SAMD14: variants seen among roughly 807,000 people sequenced by gnomAD.
SAMD14 encodes sterile alpha motif domain containing 14.
Under a neutral mutation model 46.2 loss-of-function variants are expected in SAMD14, and 27 were observed. The ratio of observed to expected loss-of-function variants is 0.58; its 90% CI spans 0.43 to 0.81. The LOEUF (loss-of-function observed/expected upper bound fraction) is 0.81, where lower values mean the gene tolerates loss of function less well. Ranked by LOEUF, SAMD14 falls within the 30% of genes least tolerant of loss-of-function variation. The pLI is 0.00. For synonymous variants in SAMD14, 241 were observed against 254.3 expected (o/e 0.95, Z 0.50); for missense variants, 559 against 582.2 (o/e 0.96, Z 0.41).
chr17:50,123,766 G>A (rs968965135), intron 2 of SAMD14, among the ~76,000 whole-genome samples: 9 of 152,152 alleles, frequency 5.9e-5, no homozygotes, highest in African/African-American at 1.9e-4. Context: ...CAGTGAGGAC[G>A]CAGCTACCTC....
At position 50,117,361 on chromosome 17, in the gene SAMD14, C is replaced by A. The variant is rs1048413300; in HGVS notation, c.499+46G>T. 18 of 1,268,282 alleles carry A rather than the reference C, an allele frequency of 1.4e-5. No homozygotes were observed. In the African/African-American group the frequency reaches 2.5e-4, roughly 18 times the overall value. The allele number at this position is 1,268,282 out of a possible 1,614,324, so 78.6% of individuals were successfully genotyped here. A position where few individuals can be genotyped will look rare whatever the true frequency, so the allele number is the denominator to read the frequency against. On this transcript the variant is annotated intron_variant, in intron 4 of 9. Transcript: ENST00000330175. Reference sequence around the variant, plus strand: ...CGCGCCGGGACCGGGAGGGCTGCTGCGCCCGGGAGCGACCAGCAGGAGGTG... The same window carrying A: ...CGCGCCGGGACCGGGAGGGCTGCTGAGCCCGGGAGCGACCAGCAGGAGGTG...
rs374368906 is a variant in SAMD14 at position 50,115,826 on chromosome 17, T to G, written c.662+4A>C. On this transcript the variant is annotated splice_donor_region_variant and intron_variant, in intron 6 of 9. Coordinates refer to ENST00000330175, the MANE Select transcript of SAMD14 (RefSeq NM_001257359.2). This position sits in a 1 kb window ranked among gnomAD's most constrained non-coding sequence, Gnocchi z 5.3. Reference sequence around the variant, plus strand: ...GTGGGTGGGCCGCCATGGGCACCTCTCACCTGCTGCCCATGGACAGTCGGT... The same window carrying G: ...GTGGGTGGGCCGCCATGGGCACCTCGCACCTGCTGCCCATGGACAGTCGGT... The G allele has an allele frequency of 8.7e-6, 14 of 1,612,696 alleles. No homozygotes were observed. In the African/African-American group the frequency reaches 1.9e-4, roughly 22 times the overall value.
At chr17:50,122,683 G>A (rs1329893802) in intron 2 of SAMD14, among the ~76,000 whole-genome samples, 4 of 152,104 alleles carry the variant, frequency 2.6e-5, no homozygotes, top group Non-Finnish European at 5.9e-5. Context: ...ATGAAAAGAC[G>A]GGGAGACTGG....
At chr17:50,114,519 A>T in intron 7 of SAMD14, 1 of 1,407,074 alleles carries the variant, frequency 7.1e-7, no homozygotes. Flanking sequence ...TCTGGAGGAC[A>T]TGGGGCTAGA....
At chr17:50,114,102 G>A (rs1911032637) in intron 8 of SAMD14, 23 bp from the exon 9 acceptor site, 3 of 1,613,798 alleles carry the variant, frequency 1.9e-6, no homozygotes, top group South Asian at 1.1e-5. Flanking sequence ...CAAGGAGAGT[G>A]AGGGGGAGGC....
intron 1 of SAMD14, chr17:50,125,312 A>C (rs1911715927): frequency 3.9e-6 from 1 of 259,262 alleles, no homozygotes; most frequent in East Asian, 8.5e-5. Context: ...GGGCCTTCGC[A>C]TCATTAGCAT....
rs184654229 is a variant in SAMD14, at chr17:50,126,285, T to C, written c.-12-1314A>G. Among the ~76,000 whole-genome samples, 263 of 150,232 alleles carry C rather than the reference T, an allele frequency of 1.8e-3. 1 individual carries two copies. The highest frequency in any genetic ancestry group is 5.8e-3 in the African/African-American group (232 of 40,020). ...TTATTACATAGACATCATCTACCTT[T>C]ACTGTGGCCAGCCTTGGGAATTTTT... On this transcript the variant is annotated intron_variant, in intron 1 of 9. Transcript: ENST00000330175.
chr17:50,122,400 GAC>G (rs917005500), intron 2 of SAMD14, among the ~76,000 whole-genome samples: 3 of 152,188 alleles, frequency 2.0e-5, no homozygotes, highest in Admixed American at 2.0e-4. Flanking sequence ...ATGGACTCCA[GAC>G]ACACACGGGT....
Position 50,110,343 on chromosome 17 carries a change from A to G in SAMD14, c.*2550T>C. On this transcript the variant is annotated 3_prime_UTR_variant, in exon 10 of 10. Transcript: ENST00000330175. The stretch of plus-strand genomic sequence containing the variant: ...ATGCCTGAGGGTTAGGGATGTCTCC[A>G]CCCTGATGGGGTGTCCCAGAGACAT... 1 of 382,960 alleles carries G rather than the reference A, an allele frequency of 2.6e-6. No individual in the cohort carries two copies. Among genetic ancestry groups the G allele is most frequent in the Non-Finnish European group, 4.7e-6 (1 of 211,812 alleles). The allele number at this position is 382,960 out of a possible 1,614,324, so 23.7% of individuals were successfully genotyped here.
intron 4 of SAMD14, chr17:50,116,399 ACT>A (rs1911201006): frequency 2.6e-5 from 5 of 190,256 alleles, no homozygotes; most frequent in African/African-American, 2.9e-5. Context: ...ATCCTGGCCA[ACT>A]TTTTTTTTTT....
intron 1 of SAMD14, 128 bp from the exon 2 acceptor site, chr17:50,125,099 CCTT>C: frequency 1.3e-6 from 1 of 776,958 alleles, no homozygotes; most frequent in Non-Finnish European, 2.1e-6. Context: ...ACCTTAGAAC[CCTT>C]CTTCTGTCCC....
At chr17:50,126,795 C>T (rs1176185755) in intron 1 of SAMD14, among the ~76,000 whole-genome samples, 1 of 151,770 alleles carries the variant, frequency 6.6e-6, no homozygotes, top group Non-Finnish European at 1.5e-5. Flanking sequence ...ATAGTGAGAC[C>T]CTCATCTCAA....
In SAMD14 at chr17:50,111,231, CT is replaced by C. The variant is rs1910823775; in HGVS notation, c.*1661del. The C allele has an allele frequency of 6.6e-6, 1 of 152,314 alleles. No individual in the cohort carries two copies. The highest frequency in any genetic ancestry group is 2.1e-4 in the South Asian group (1 of 4,838). 9.4% of individuals were successfully genotyped at this position (152,314 alleles called of 1,614,324 possible). A position where few individuals can be genotyped will look rare whatever the true frequency, so the allele number is the denominator to read the frequency against. ...TTCAGAACGCCGGATGGCCCAGCACCTGGTGACAGACCTGTTGTCCCACCAT... is the reference window on the plus strand; with the variant it reads ...TTCAGAACGCCGGATGGCCCAGCACCGGTGACAGACCTGTTGTCCCACCAT... On this transcript the variant is annotated 3_prime_UTR_variant, in exon 10 of 10. Coordinates refer to ENST00000330175, the MANE Select transcript of SAMD14 (RefSeq NM_001257359.2).
Position 50,117,646 on chromosome 17 carries a change from T to G in SAMD14, c.260A>C (p.His87Pro), listed in dbSNP as rs1369911997. The change falls in exon 4 of 10, where the codon CAC becomes CCC. Residue 87 changes from histidine (H) to proline (P), a missense_variant. By Grantham distance (77) the His-to-Pro change is moderately conservative. Transcript: ENST00000330175. ...SPLHRLRSPL[H>P]SGPGSPAGGS... ...CCCGGCCGGGGACCCCGGGCCTGAGTGCAAAGGCGAGCGCAGCCGGTGCAG... is the reference window on the plus strand; with the variant it reads ...CCCGGCCGGGGACCCCGGGCCTGAGGGCAAAGGCGAGCGCAGCCGGTGCAG... The G allele has an allele frequency of 1.9e-6, 3 of 1,552,198 alleles. No individual in the cohort carries two copies. Among genetic ancestry groups the G allele is most frequent in the Non-Finnish European group, 2.6e-6 (3 of 1,159,602 alleles).
intron 2 of SAMD14, among the ~76,000 whole-genome samples, 154 bp downstream of exon 2, chr17:50,124,763 G>GTGCA (rs1555563115): frequency 1.9e-5 from 2 of 106,692 alleles, no homozygotes; most frequent in South Asian, 3.7e-4. Flanking sequence ...ACGCGTGCAC[G>GTGCA]CGCGCGCGCA....
rs1911968845 is a variant in SAMD14 at position 50,130,122 on chromosome 17, G to T, written c.-618C>A. ...AGGAGGCGGCTGGGGCCGGGGAGCG[G>T]AGTTGCAGCTACTTCTCTGCCCGCG... On this transcript the variant is annotated 5_prime_UTR_variant, in exon 1 of 10. Coordinates refer to ENST00000330175, the MANE Select transcript of SAMD14 (RefSeq NM_001257359.2). This position sits in a 1 kb window ranked among gnomAD's most constrained non-coding sequence, Gnocchi z 4.1. 6.6e-6 allele frequency among the ~76,000 whole-genome samples: 1 copy of T among 152,086 alleles called. No homozygotes were observed. Among genetic ancestry groups the T allele is most frequent in the African/African-American group, 2.4e-5 (1 of 41,434 alleles).
chr17:50,124,818 G>T (rs1911693366), intron 2 of SAMD14, 99 bp downstream of exon 2: 2 of 1,061,732 alleles, frequency 1.9e-6, no homozygotes, highest in African/African-American at 1.7e-5. Context: ...CTCTGAAGCT[G>T]CCAAGAAGCA....
In SAMD14 at chr17:50,130,132, T is replaced by C. The variant is rs1221508426; in HGVS notation, c.-628A>G. ...TGGGGCCGGGGAGCGGAGTTGCAGC[T>C]ACTTCTCTGCCCGCGGGAGACGCGG... On this transcript the variant is annotated 5_prime_UTR_variant, in exon 1 of 10. Coordinates refer to ENST00000330175, the MANE Select transcript of SAMD14 (RefSeq NM_001257359.2). The surrounding 1 kb of genome is among the most constrained non-coding windows in gnomAD (Gnocchi z 4.1). Among the ~76,000 whole-genome samples, 1 of 151,958 alleles carries C rather than the reference T, an allele frequency of 6.6e-6. No individual in the cohort carries two copies. Among genetic ancestry groups the C allele is most frequent in the African/African-American group, 2.4e-5 (1 of 41,370 alleles).
chr17:50,113,145 A>C (rs1910958303), intron 9 of SAMD14, 97 bp from the exon 10 acceptor site: 1 of 1,428,686 alleles, frequency 7.0e-7, no homozygotes, highest in African/African-American at 1.4e-5. Context: ...TACTCTGTGG[A>C]GCTCCAAATC....
Sources: gnomAD v4.1 joint callset for allele counts (sites outside exome capture counted in the v4.1 genomes callset) on GRCh38, gnomAD v4.1.1 for gene constraint, Gnocchi (gnomAD v3.1) non-coding constraint, MANE v1.5 for transcripts, NCBI Gene and HGNC (gene_info 2026-07-23, HGNC 2026-07-21) for gene names.